RGS6: variants seen among roughly 807,000 people sequenced by gnomAD.
RGS6 encodes regulator of G protein signaling 6.
Under a neutral mutation model 78.5 loss-of-function variants are expected in RGS6, and 30 were observed. The ratio of observed to expected loss-of-function variants is 0.38; its 90% CI spans 0.29 to 0.52. The LOEUF (loss-of-function observed/expected upper bound fraction) is 0.52, where lower values mean the gene tolerates loss of function less well. RGS6 is among the 20% of genes least tolerant of loss of function. The pLI is 0.85. For synonymous variants in RGS6, 206 were observed against 206.0 expected, an observed-to-expected ratio of 1.00 and a Z score of 0.00; for missense variants, 495 against 609.7, an observed-to-expected ratio of 0.81 and a Z score of 1.98.
chr14:72,277,798 T>A (rs1272842015), intron 2 of RGS6, among the ~76,000 whole-genome samples: 2 of 151,880 alleles, frequency 1.3e-5, no homozygotes, highest in Non-Finnish European at 2.9e-5. Context: ...CTTGGTGGTA[T>A]GCACCTGTAG....
At chr14:72,387,327 A>G (rs2088455753) in intron 3 of RGS6, among the ~76,000 whole-genome samples, 1 of 152,170 alleles carries the variant, frequency 6.6e-6, no homozygotes. Context: ...AGGTGGGCGG[A>G]TCACCAGGTC....
At chr14:72,244,235 A>G (rs1380098667) in intron 2 of RGS6, among the ~76,000 whole-genome samples, 5 of 147,354 alleles carry the variant, frequency 3.4e-5, no homozygotes, top group African/African-American at 1.3e-4. Flanking sequence ...CCCCTGCCCC[A>G]TGCTTTTGTT....
chr14:72,319,769 A>G (rs2071392071), intron 2 of RGS6, among the ~76,000 whole-genome samples: 1 of 152,218 alleles, frequency 6.6e-6, no homozygotes, highest in African/African-American at 2.4e-5. Flanking sequence ...CAAAACGGAA[A>G]CAACAGCTTA....
rs111349831 is a variant in RGS6, at chr14:71,986,338, G to A, written c.84+21463G>A. Among the ~76,000 whole-genome samples the A allele has an allele frequency of 2.0e-3, 300 of 152,248 alleles. 1 individual carries two copies. The highest frequency in any genetic ancestry group is 6.8e-3 in the Middle Eastern group (2 of 292). On this transcript the variant is annotated intron_variant, in intron 2 of 17. Coordinates refer to ENST00000553525, the MANE Select transcript of RGS6 (RefSeq NM_001204424.2). Reference sequence around the variant, plus strand: ...TTATTAGAAACTATACTTTCTCTTTGTCTGTAACGTTTTCAGCAGCTGCCT... The same window carrying A: ...TTATTAGAAACTATACTTTCTCTTTATCTGTAACGTTTTCAGCAGCTGCCT...
In RGS6 at chr14:72,381,705, T is replaced by C. The variant is rs562932939; in HGVS notation, c.184+29511T>C. Among the ~76,000 whole-genome samples, 154 of 152,132 alleles carry C rather than the reference T, an allele frequency of 1.0e-3. 1 individual carries two copies. Among genetic ancestry groups the C allele is most frequent in the Admixed American group, 2.1e-3 (32 of 15,262 alleles). ...AAATATATTTTAGGAAGAAGAAAAA[T>C]TATCTCAGGATGAAAGTTTGAGATA... On this transcript the variant is annotated intron_variant, in intron 3 of 17. Coordinates refer to ENST00000553525, the MANE Select transcript of RGS6 (RefSeq NM_001204424.2).
At chr14:71,897,584 G>C in the RGS6 span, among the ~76,000 whole-genome samples, 4 of 151,922 alleles carry the variant, frequency 2.6e-5, no homozygotes, top group Non-Finnish European at 4.4e-5. Context: ...GCAGTGGCAC[G>C]ACCTCAGCTC....
intron 12 of RGS6, among the ~76,000 whole-genome samples, chr14:72,487,150 G>A (rs1281730262): frequency 6.6e-6 from 1 of 152,132 alleles, no homozygotes; most frequent in East Asian, 1.9e-4. Flanking sequence ...TGGCAAATAG[G>A]ACAAATGAGG....
the RGS6 span, among the ~76,000 whole-genome samples, chr14:72,592,007 A>G: frequency 6.6e-6 from 1 of 152,194 alleles, no homozygotes; most frequent in Admixed American, 6.5e-5. Context: ...CCAGGAGGGG[A>G]GAGTCATCCA....
At chr14:72,561,015 A>G (rs867315978) in intron 17 of RGS6, among the ~76,000 whole-genome samples, 1 of 151,776 alleles carries the variant, frequency 6.6e-6, no homozygotes, top group South Asian at 2.1e-4. Context: ...TCTCAAAGTC[A>G]GGCTGGCCAT....
intron 3 of RGS6, among the ~76,000 whole-genome samples, chr14:72,406,795 C>T (rs1188270338): frequency 2.6e-5 from 4 of 152,092 alleles, no homozygotes; most frequent in South Asian, 2.1e-4. Flanking sequence ...TTATAGGTAC[C>T]AGTAGGCACC....
intron 14 of RGS6, among the ~76,000 whole-genome samples, chr14:72,516,580 C>T (rs984343434): frequency 6.6e-6 from 1 of 152,232 alleles, no homozygotes; most frequent in African/African-American, 2.4e-5. Flanking sequence ...GCAGCATCTG[C>T]CCAGGCCACC....
the RGS6 span, among the ~76,000 whole-genome samples, chr14:71,920,017 A>G: frequency 6.6e-6 from 1 of 152,170 alleles, no homozygotes; most frequent in South Asian, 2.1e-4. Flanking sequence ...AAAATAAAAT[A>G]AAGAATTTTT....
At chr14:72,475,106 A>T (rs1566936504) in intron 10 of RGS6, among the ~76,000 whole-genome samples, 1 of 151,854 alleles carries the variant, frequency 6.6e-6, no homozygotes. Context: ...GGGAGGTGGC[A>T]GGGAGGGGAG....
Position 72,510,235 on chromosome 14 carries a change from G to A in RGS6, c.1047G>A (p.Gln349=), listed in dbSNP as rs111928196. 3 of 1,614,200 alleles carry A rather than the reference G, an allele frequency of 1.9e-6. No individual in the cohort carries two copies. The highest frequency in any genetic ancestry group is 1.3e-5 in the African/African-American group (1 of 75,054). ...TGAAGGACCAGGTGGGGCGGGACCA[G>A]TTTCTACGATTCCTGGAGTCCGAAT... ...EILKDQVGRD[Q]FLRFLESEFS... The change falls in exon 14 of 18, where the codon CAG becomes CAA. Residue 349 remains glutamine (Q), a synonymous_variant. Transcript: ENST00000553525.
At chr14:71,892,685 T>G in the RGS6 span, among the ~76,000 whole-genome samples, 1 of 152,210 alleles carries the variant, frequency 6.6e-6, no homozygotes, top group Admixed American at 6.5e-5. Context: ...AAATGGTAAA[T>G]GGAGAAGGAA....
chr14:72,229,413 C>G (rs1425377781), intron 2 of RGS6, among the ~76,000 whole-genome samples: 6 of 152,056 alleles, frequency 3.9e-5, no homozygotes, highest in African/African-American at 9.7e-5. Context: ...TGCCTGGTGT[C>G]CATCCTGACC....
At chr14:72,569,572 C>T (rs2097717909), downstream of RGS6, among the ~76,000 whole-genome samples, 1 of 151,970 alleles carries the variant, frequency 6.6e-6, no homozygotes. Flanking sequence ...CCCAGCTACC[C>T]AGGAGGCTGA....
At chr14:71,888,649 A>G in the RGS6 span, among the ~76,000 whole-genome samples, 1 of 150,704 alleles carries the variant, frequency 6.6e-6, no homozygotes, top group Non-Finnish European at 1.5e-5. Context: ...GTAGGATTTC[A>G]TTCAAGAGAA....
chr14:72,569,548 C>T (rs56754001), downstream of RGS6, among the ~76,000 whole-genome samples: 1 of 151,966 alleles, frequency 6.6e-6, no homozygotes, highest in Admixed American at 6.6e-5. Flanking sequence ...GGCGTGGTGG[C>T]AGGCACCTGT....
Sources: allele counts gnomAD v4.1 joint callset (sites outside exome capture counted in the v4.1 genomes callset), GRCh38; gene constraint gnomAD v4.1.1; transcripts MANE v1.5; gene names NCBI Gene and HGNC (gene_info 2026-07-23, HGNC 2026-07-21).